The following DYNC2I1 variants were observed in gnomAD, a reference collection of about 807,000 sequenced individuals.
The protein encoded by DYNC2I1 is cytoplasmic dynein 2 intermediate chain 1.
A neutral mutation model predicts 133.4 loss-of-function variants in DYNC2I1; 89 were observed. The ratio of observed to expected loss-of-function variants is 0.67; its 90% CI spans 0.56 to 0.80. DYNC2I1 has a LOEUF of 0.80. DYNC2I1 is among the 30% of genes least tolerant of loss of function. DYNC2I1 has a pLI of 0.00. For missense variants in DYNC2I1, 1,291 were observed against 1,314.5 expected, an observed-to-expected ratio of 0.98 and a Z score of 0.28; for synonymous variants, 504 against 484.3, an observed-to-expected ratio of 1.04 and a Z score of -0.54.
upstream of DYNC2I1, among the ~76,000 whole-genome samples, chr7:158,853,655 GT>G (rs34498148): frequency 0.3 from 41,929 of 139,926 alleles, 7,254 homozygotes; most frequent in East Asian, 0.67. Flanking sequence ...GAGACCAGAG[GT>G]TTTTTTTTTT....
chr7:158,927,595 C>G (rs1849760237), intron 20 of DYNC2I1, among the ~76,000 whole-genome samples: 1 of 151,652 alleles, frequency 6.6e-6, no homozygotes, highest in Non-Finnish European at 1.5e-5. Context: ...GCTCTGTTGC[C>G]CAGGCTGCTG....
chr7:158,952,868 A>G (rs1176427281), intron 4 of DYNC2I1, among the ~76,000 whole-genome samples: 1 of 152,092 alleles, frequency 6.6e-6, no homozygotes, highest in African/African-American at 2.4e-5. Flanking sequence ...GACCCACCGC[A>G]CCTTCCACCT....
intron 1 of DYNC2I1, among the ~76,000 whole-genome samples, chr7:158,861,621 C>T (rs1393696825): frequency 6.6e-6 from 1 of 152,178 alleles, no homozygotes; most frequent in African/African-American, 2.4e-5. Context: ...GCCGCTTTGA[C>T]GTAGCTTTGA....
upstream of DYNC2I1, among the ~76,000 whole-genome samples, chr7:158,855,939 CTTT>C (rs71200072): frequency 5.9e-5 from 7 of 119,284 alleles, no homozygotes; most frequent in South Asian, 1.1e-3. Flanking sequence ...AAGCTCTTTT[CTTT>C]TTTTTTTTTT....
chr7:158,847,000 TATTA>T, the DYNC2I1 span, among the ~76,000 whole-genome samples: 3 of 152,272 alleles, frequency 2.0e-5, no homozygotes, highest in Non-Finnish European at 2.9e-5. Context: ...AAAGAGTTCT[TATTA>T]ATTGACTTAA....
At chr7:158,917,582 G>T (rs1368002961) in intron 14 of DYNC2I1, among the ~76,000 whole-genome samples, 1 of 132,356 alleles carries the variant, frequency 7.6e-6, no homozygotes, top group Admixed American at 7.2e-5. Flanking sequence ...AACACCCCCT[G>T]CCCTCCACAC....
chr7:158,871,619 G>T (rs1842890247), intron 3 of DYNC2I1, 57 bp downstream of exon 3: 1 of 1,334,106 alleles, frequency 7.5e-7, no homozygotes, highest in African/African-American at 1.8e-5. Flanking sequence ...CGCTGCTGGT[G>T]ACAGGTTGAT....
chr7:158,942,661 AGTTT>A (rs1851489839), intron 24 of DYNC2I1, among the ~76,000 whole-genome samples: 1 of 152,238 alleles, frequency 6.6e-6, no homozygotes. Context: ...ATGAGCTATA[AGTTT>A]GTAATGTCTG....
At chr7:158,949,156 CTTG>C (rs1851976040), downstream of DYNC2I1, among the ~76,000 whole-genome samples, 1 of 152,214 alleles carries the variant, frequency 6.6e-6, no homozygotes, top group African/African-American at 2.4e-5. Context: ...CTCCCATCCT[CTTG>C]GAGACTCAAC....
intron 4 of DYNC2I1, among the ~76,000 whole-genome samples, chr7:158,955,935 C>T (rs762643696): frequency 5.3e-5 from 8 of 152,148 alleles, no homozygotes; most frequent in Non-Finnish European, 1.2e-4. Flanking sequence ...AGGGGTTGGG[C>T]GATCTGGCAG....
Position 158,945,581 on chromosome 7 carries a change from G to A in DYNC2I1, c.3003G>A (p.Arg1001=), listed in dbSNP as rs1279922419. The part of the protein sequence containing the change: ...PVAKQQVSPN[R]LVAMAAVGEP... ...TCTGCTTCTGCCCCTCTCCCTGCAGGCTGGTGGCCATGGCTGCGGTGGGTG... is the reference window on the plus strand; with the variant it reads ...TCTGCTTCTGCCCCTCTCCCTGCAGACTGGTGGCCATGGCTGCGGTGGGTG... The change falls in exon 25 of 25, where the codon AGG becomes AGA. Residue 1001 remains arginine (R), a splice_region_variant and synonymous_variant. Coordinates refer to ENST00000407559, the MANE Select transcript of DYNC2I1 (RefSeq NM_018051.5). This position sits in a 1 kb window ranked among gnomAD's most constrained non-coding sequence, Gnocchi z 4.1. The A allele has an allele frequency of 6.2e-7, 1 of 1,602,580 alleles. No individual in the cohort carries two copies. Among genetic ancestry groups the A allele is most frequent in the African/African-American group, 1.3e-5 (1 of 74,688 alleles).
intron 6 of DYNC2I1, among the ~76,000 whole-genome samples, chr7:158,886,539 A>G (rs1212964388): frequency 1.3e-5 from 2 of 152,220 alleles, no homozygotes; most frequent in East Asian, 3.8e-4. Context: ...AATAGTAAGA[A>G]TGCTAGGAAG....
At chr7:158,908,057 C>CTCCGGCCTGGGCGACA (rs1847022987) in intron 11 of DYNC2I1, among the ~76,000 whole-genome samples, 1 of 151,112 alleles carries the variant, frequency 6.6e-6, no homozygotes, top group African/African-American at 2.4e-5. Context: ...AATGAAAGGC[C>CTCCGGCCTGGGCGACA]GAAACATAAA....
chr7:158,841,675 T>C, the DYNC2I1 span, among the ~76,000 whole-genome samples: 5 of 152,168 alleles, frequency 3.3e-5, no homozygotes, highest in Non-Finnish European at 5.9e-5. Flanking sequence ...AAAATAATTG[T>C]TTTGGGTCCT....
intron 8 of DYNC2I1, among the ~76,000 whole-genome samples, chr7:158,893,173 TC>T (rs1334758234): frequency 6.6e-6 from 1 of 152,156 alleles, no homozygotes; most frequent in Non-Finnish European, 1.5e-5. Context: ...ATGACGTGGA[TC>T]CACCACAGGG....
intron 7 of DYNC2I1, among the ~76,000 whole-genome samples, chr7:158,888,310 A>G (rs1270306075): frequency 6.6e-6 from 1 of 152,056 alleles, no homozygotes; most frequent in African/African-American, 2.4e-5. Context: ...GGCGTGAGCC[A>G]CCGCACCCAG....
Position 158,891,291 on chromosome 7 carries a change from G to A in DYNC2I1, c.1017G>A (p.Val339=), listed in dbSNP as rs1006424601. The A allele has an allele frequency of 6.8e-6, 11 of 1,613,938 alleles. 1 individual carries two copies. The highest frequency in any genetic ancestry group is 6.7e-5 in the Admixed American group (4 of 59,996). ...RKHGHEEGSS[V]WWKLDQRPGG... is the part of the protein sequence containing the mutation. The stretch of plus-strand genomic sequence containing the variant: ...ATGGCCACGAGGAAGGCTCTTCTGT[G>A]TGGTGGAAGCTGGACCAGAGGCCGG... Residue 339 remains valine (V), a synonymous_variant, in exon 8 of 25, where the codon GTG becomes GTA. Transcript: ENST00000407559.
At chr7:158,876,800 C>T in intron 4 of DYNC2I1, 109 bp downstream of exon 4, 1 of 1,402,434 alleles carries the variant, frequency 7.1e-7, no homozygotes, top group Non-Finnish European at 9.4e-7. Flanking sequence ...GCCAGGATTT[C>T]AGTCCTGGAA....
At position 158,916,748 on chromosome 7, in the gene DYNC2I1, A is replaced by G. The variant is rs560667004; in HGVS notation, c.1792-1992A>G. Reference sequence around the variant, plus strand: ...CATTAAGGATGATTGTGAAACGTCTACACGCTGGTTGACATTAAGGATGAT... The same window carrying G: ...CATTAAGGATGATTGTGAAACGTCTGCACGCTGGTTGACATTAAGGATGAT... On this transcript the variant is annotated intron_variant, in intron 14 of 24. Transcript: ENST00000407559. Among the ~76,000 whole-genome samples the G allele has an allele frequency of 8.7e-3, 413 of 47,434 alleles. 76 individuals are homozygous for G. Among genetic ancestry groups the G allele is most frequent in the African/African-American group, 0.031 (377 of 12,202 alleles). 31.1% of individuals were successfully genotyped at this position (47,434 alleles called of 152,430 possible).
Sources: allele counts gnomAD v4.1 joint callset (sites outside exome capture counted in the v4.1 genomes callset), GRCh38; gene constraint gnomAD v4.1.1; non-coding constraint Gnocchi (gnomAD v3.1); transcripts MANE v1.5; gene names NCBI Gene and HGNC (gene_info 2026-07-23, HGNC 2026-07-21).